NRXN1: variants seen among roughly 807,000 people sequenced by gnomAD.
NRXN1 encodes neurexin-1.
Under a neutral mutation model 150.9 loss-of-function variants are expected in NRXN1, and 39 were observed. The observed-to-expected ratio is 0.26, with a 90% CI of 0.20 to 0.34. The LOEUF (loss-of-function observed/expected upper bound fraction) is 0.34. Ranked by LOEUF, NRXN1 falls within the 10% of genes least tolerant of loss-of-function variation. The pLI is 1.00. For synonymous variants in NRXN1, 924 were observed against 757.0 expected, an observed-to-expected ratio of 1.22 and a Z score of -3.62; for missense variants, 1,815 against 1,949.9, an observed-to-expected ratio of 0.93 and a Z score of 1.30.
intron 8 of NRXN1, among the ~76,000 whole-genome samples, chr2:50,598,745 T>A (rs556953306): frequency 8.1e-5 from 12 of 148,134 alleles, no homozygotes. Context: ...TGTATATATA[T>A]ATATTTTATT....
intron 18 of NRXN1, among the ~76,000 whole-genome samples, chr2:50,107,656 C>T (rs1034056003): frequency 4.7e-5 from 7 of 150,120 alleles, no homozygotes; most frequent in African/African-American, 1.7e-4. Context: ...AGAGCTGAAA[C>T]GGATTAATTA....
chr2:50,115,835 A>G (rs957822979), intron 18 of NRXN1, among the ~76,000 whole-genome samples: 12 of 152,098 alleles, frequency 7.9e-5, no homozygotes, highest in African/African-American at 1.4e-4. Context: ...TTTCTGTTAC[A>G]TAAGAATCAT....
intron 21 of NRXN1, among the ~76,000 whole-genome samples, chr2:50,018,405 G>C (rs1686992232): frequency 6.6e-6 from 1 of 152,044 alleles, no homozygotes; most frequent in Non-Finnish European, 1.5e-5. Flanking sequence ...TTTTAGAATG[G>C]GGGACCAATG....
chr2:50,692,715 C>T (rs1692247619), intron 5 of NRXN1, among the ~76,000 whole-genome samples: 1 of 151,848 alleles, frequency 6.6e-6, no homozygotes, highest in East Asian at 1.9e-4. Context: ...TCTCTTTTTC[C>T]CCTTGGGTAG....
chr2:50,186,691 C>A (rs920795014), intron 18 of NRXN1, among the ~76,000 whole-genome samples: 1 of 151,846 alleles, frequency 6.6e-6, no homozygotes, highest in Non-Finnish European at 1.5e-5. Flanking sequence ...ACTCAAAGGC[C>A]GAAAAGACAT....
At chr2:50,727,008 G>T (rs1697442366) in intron 5 of NRXN1, among the ~76,000 whole-genome samples, 1 of 151,894 alleles carries the variant, frequency 6.6e-6, no homozygotes, top group Admixed American at 6.6e-5. Context: ...AAATAAATAA[G>T]AAGTATTCTA....
rs552397441 is a variant in NRXN1, at chr2:50,298,081, A to G, written c.3365-61111T>C. Among the ~76,000 whole-genome samples, 66 of 152,186 alleles carry G rather than the reference A, an allele frequency of 4.3e-4. 1 individual carries two copies. The highest frequency in any genetic ancestry group is 3.1e-3 in the Admixed American group (48 of 15,288). On this transcript the variant is annotated intron_variant, in intron 17 of 22. Coordinates refer to ENST00000401669, the MANE Select transcript of NRXN1 (RefSeq NM_001330078.2). ...TAAAATATTCAATATTAATATTAAG[A>G]TTAATAAAAAGACAAAATTTTGAAA...
intron 21 of NRXN1, among the ~76,000 whole-genome samples, chr2:50,018,085 T>C (rs1686945236): frequency 6.6e-6 from 1 of 152,094 alleles, no homozygotes; most frequent in Non-Finnish European, 1.5e-5. Context: ...TAGGGAGGCA[T>C]CCAAGGGACC....
chr2:50,701,883 A>G (rs1693791868), intron 5 of NRXN1, among the ~76,000 whole-genome samples: 3 of 152,140 alleles, frequency 2.0e-5, no homozygotes, highest in South Asian at 2.1e-4. Flanking sequence ...GTTTTTTACT[A>G]TAAGAATAAT....
At chr2:50,107,537 A>T (rs942128825) in intron 18 of NRXN1, among the ~76,000 whole-genome samples, 16 of 122,148 alleles carry the variant, frequency 1.3e-4, no homozygotes, top group Admixed American at 1.7e-4. Flanking sequence ...ATATATATAT[A>T]TATTTTTTTT....
At chr2:50,071,565 A>G (rs1558815134) in intron 19 of NRXN1, among the ~76,000 whole-genome samples, 1 of 152,210 alleles carries the variant, frequency 6.6e-6, no homozygotes, top group Non-Finnish European at 1.5e-5. Flanking sequence ...ATCTGCAAGC[A>G]AAGGAAACAG....
In NRXN1 at chr2:50,118,302, G is replaced by C. The variant is rs955776763; in HGVS notation, c.3547-26808C>G. On this transcript the variant is annotated intron_variant, in intron 18 of 22. Coordinates refer to ENST00000401669, the MANE Select transcript of NRXN1 (RefSeq NM_001330078.2). ...TCCTCACAAGCTCCCAGGTGATGCT[G>C]ATGCCGCCAGTCTGCAGGTTAACAC... is the stretch of plus-strand genomic sequence containing the variant. 4.6e-5 allele frequency among the ~76,000 whole-genome samples: 7 copies of C among 152,300 alleles called. No homozygotes were observed. The East Asian group carries it at 1.4e-3, about 29-fold the overall frequency.
intron 2 of NRXN1, among the ~76,000 whole-genome samples, chr2:51,017,388 T>C (rs1261043866): frequency 6.7e-6 from 1 of 150,332 alleles, no homozygotes; most frequent in Non-Finnish European, 1.5e-5. Flanking sequence ...CAGGCTGGAG[T>C]GCAGTGGCAC....
chr2:50,221,595 A>G (rs908456854), intron 18 of NRXN1, among the ~76,000 whole-genome samples: 2 of 149,898 alleles, frequency 1.3e-5, no homozygotes, highest in South Asian at 2.1e-4. Context: ...GCCATTTAAA[A>G]AAAAGTTCTT....
chr2:50,650,742 A>T (rs987128028), intron 5 of NRXN1, among the ~76,000 whole-genome samples: 1 of 152,082 alleles, frequency 6.6e-6, no homozygotes, highest in Non-Finnish European at 1.5e-5. Context: ...AACAAACAGA[A>T]ATCAGTCTCT....
intron 17 of NRXN1, among the ~76,000 whole-genome samples, chr2:50,442,344 GA>G (rs2086028323): frequency 6.6e-6 from 1 of 152,114 alleles, no homozygotes; most frequent in Non-Finnish European, 1.5e-5. Context: ...TTAAACACTT[GA>G]AATAAAAGAA....
intron 21 of NRXN1, among the ~76,000 whole-genome samples, chr2:49,993,181 G>A (rs1009195230): frequency 6.6e-6 from 1 of 152,006 alleles, no homozygotes; most frequent in African/African-American, 2.4e-5. Context: ...GTAAGTAAAC[G>A]GGTAAATAAA....
Position 51,027,565 on chromosome 2 carries a change from C to G in NRXN1, c.709G>C (p.Val237Leu), listed in dbSNP as rs1280826713. 6.2e-7 allele frequency: 1 copy of G among 1,600,512 alleles called. No individual in the cohort carries two copies. Among genetic ancestry groups the G allele is most frequent in the Non-Finnish European group, 8.5e-7 (1 of 1,170,818 alleles). The change falls in exon 2 of 23, where the codon GTG becomes CTG. Residue 237 changes from valine (V) to leucine (L), a missense_variant. Transcript: ENST00000401669. ...CAGTCGCACACGGCCTGGTCGTCCACCACGGAGCACACACCTCCGTTGAGG... is the reference window on the plus strand; with the variant it reads ...CAGTCGCACACGGCCTGGTCGTCCAGCACGGAGCACACACCTCCGTTGAGG... ...VCLNGGVCSV[V>L]DDQAVCDCSR...
chr2:50,455,282 A>C (rs2087433240), intron 17 of NRXN1, among the ~76,000 whole-genome samples: 1 of 152,188 alleles, frequency 6.6e-6, no homozygotes, highest in South Asian at 2.1e-4. Flanking sequence ...ACCATAAATG[A>C]GAGATAATAC....
Sources: gnomAD v4.1 joint callset for allele counts (sites outside exome capture counted in the v4.1 genomes callset) on GRCh38, gnomAD v4.1.1 for gene constraint, MANE v1.5 for transcripts, NCBI Gene and HGNC (gene_info 2026-07-23, HGNC 2026-07-21) for gene names.